The following SLC4A4 variants were observed in gnomAD, a reference collection of about 807,000 sequenced individuals.
SLC4A4 encodes solute carrier family 4 member 4, also known as electrogenic sodium bicarbonate cotransporter 1.
In SLC4A4, 27 loss-of-function variants were observed where a neutral mutation model predicts 111.5. That is an observed-to-expected ratio of 0.24 (90% CI 0.18 to 0.33). The LOEUF (loss-of-function observed/expected upper bound fraction) is 0.33, where lower values mean the gene tolerates loss of function less well. Ranked by LOEUF, SLC4A4 falls within the 10% of genes least tolerant of loss-of-function variation. SLC4A4 has a pLI of 1.00. For missense variants in SLC4A4, 909 were observed against 1,315.5 expected (o/e 0.69, Z 4.78); for synonymous variants, 443 against 463.4 (o/e 0.96, Z 0.57).
intron 7 of SLC4A4, among the ~76,000 whole-genome samples, chr4:71,428,302 A>G (rs980329938): frequency 3.3e-5 from 5 of 152,110 alleles, no homozygotes; most frequent in Admixed American, 6.6e-5. Flanking sequence ...ATTATTTTCT[A>G]ACACTATTAT....
At chr4:71,120,475 C>T (rs1207973641) in intron 2 of SLC4A4, among the ~76,000 whole-genome samples, 1 of 152,214 alleles carries the variant, frequency 6.6e-6, no homozygotes, top group African/African-American at 2.4e-5. Flanking sequence ...TCAGGGAAAT[C>T]CTGCTTCTGT....
At chr4:71,172,421 G>A (rs28409682) in intron 2 of SLC4A4, among the ~76,000 whole-genome samples, 27,611 of 151,850 alleles carry the variant, frequency 0.18, 5,653 homozygotes, top group African/African-American at 0.51. Flanking sequence ...ATGCCCAGCA[G>A]ATTTTTGTAT....
chr4:71,169,988 G>A (rs576090963), intron 2 of SLC4A4, among the ~76,000 whole-genome samples: 3 of 152,048 alleles, frequency 2.0e-5, no homozygotes, highest in Non-Finnish European at 4.4e-5. Flanking sequence ...TACCGTCACC[G>A]ATCTCCCTTT....
At chr4:71,148,246 CTCT>C (rs940340392) in intron 2 of SLC4A4, among the ~76,000 whole-genome samples, 1 of 152,126 alleles carries the variant, frequency 6.6e-6, no homozygotes, top group Non-Finnish European at 1.5e-5. Context: ...AATTGGAAAG[CTCT>C]TCTTCATATT....
intron 3 of SLC4A4, among the ~76,000 whole-genome samples, chr4:71,326,170 T>C (rs955326167): frequency 6.6e-6 from 1 of 151,928 alleles, no homozygotes; most frequent in African/African-American, 2.4e-5. Flanking sequence ...AAGCTTTGCC[T>C]GAGTTTCTAC....
intron 2 of SLC4A4, among the ~76,000 whole-genome samples, chr4:71,173,360 C>T (rs937942921): frequency 6.6e-6 from 1 of 152,082 alleles, no homozygotes; most frequent in African/African-American, 2.4e-5. Context: ...ATGTCCCCAA[C>T]AATTATCTTT....
intron 2 of SLC4A4, among the ~76,000 whole-genome samples, chr4:71,140,699 CTCT>C (rs1743971643): frequency 6.6e-6 from 1 of 152,142 alleles, no homozygotes; most frequent in African/African-American, 2.4e-5. Flanking sequence ...CTTGATTCCT[CTCT>C]TATTTCCTTC....
chr4:71,486,919 A>G (rs1405875021), intron 14 of SLC4A4, 29 bp from the exon 15 acceptor site: 2 of 1,424,276 alleles, frequency 1.4e-6, no homozygotes, highest in Non-Finnish European at 2.0e-6. Flanking sequence ...TTAGTTTTAT[A>G]GTATAAAATA....
At chr4:71,200,720 T>G (rs1746209935) in intron 1 of SLC4A4, among the ~76,000 whole-genome samples, 1 of 151,940 alleles carries the variant, frequency 6.6e-6, no homozygotes, top group Non-Finnish European at 1.5e-5. Context: ...GACGGGTTGA[T>G]GGGTGCAGCA....
intron 2 of SLC4A4, among the ~76,000 whole-genome samples, chr4:71,161,281 G>A (rs1040700051): frequency 2.0e-5 from 3 of 152,146 alleles, no homozygotes; most frequent in African/African-American, 7.2e-5. Context: ...CAGAAAAGTT[G>A]TCAGGTAGCA....
At chr4:71,471,002 A>G (rs1381620571) in intron 13 of SLC4A4, among the ~76,000 whole-genome samples, 1 of 152,044 alleles carries the variant, frequency 6.6e-6, no homozygotes, top group Non-Finnish European at 1.5e-5. Context: ...AAACACCCAG[A>G]ATAATGTTTG....
intron 2 of SLC4A4, among the ~76,000 whole-genome samples, chr4:71,241,124 A>C (rs955008891): frequency 6.6e-6 from 1 of 152,158 alleles, no homozygotes; most frequent in African/African-American, 2.4e-5. Flanking sequence ...GCCTCAAAAA[A>C]AGAAAAGAGA....
intron 16 of SLC4A4, among the ~76,000 whole-genome samples, chr4:71,504,733 A>G (rs180937958): frequency 1.3e-5 from 2 of 150,268 alleles, no homozygotes; most frequent in Admixed American, 1.3e-4. Flanking sequence ...TCCAACCTCT[A>G]TTCTAATTCA....
At chr4:71,422,807 T>C (rs1169542895) in intron 7 of SLC4A4, among the ~76,000 whole-genome samples, 1 of 152,158 alleles carries the variant, frequency 6.6e-6, no homozygotes, top group East Asian at 1.9e-4. Flanking sequence ...CTGAAAACTC[T>C]CAATAAATTA....
chr4:71,148,214 T>G (rs1292039685), intron 2 of SLC4A4, among the ~76,000 whole-genome samples: 2 of 152,176 alleles, frequency 1.3e-5, no homozygotes, highest in African/African-American at 4.8e-5. Context: ...CTGATATTTA[T>G]AATTTTAGAG....
At position 71,480,789 on chromosome 4, in the gene SLC4A4, A is replaced by G. The variant is rs549392164; in HGVS notation, c.1904-6159A>G. On this transcript the variant is annotated intron_variant, in intron 14 of 25. Coordinates refer to ENST00000264485, the MANE Select transcript of SLC4A4 (RefSeq NM_001098484.3). ...ATCAGTGCCACATAGCTGTAACCCT[A>G]AGAAGCCATGTTGAGGGCACAGGTT... Among the ~76,000 whole-genome samples the G allele has an allele frequency of 2.0e-4, 31 of 151,876 alleles. 1 individual carries two copies. Among genetic ancestry groups the G allele is most frequent in the African/African-American group, 7.2e-4 (30 of 41,508 alleles).
intron 7 of SLC4A4, among the ~76,000 whole-genome samples, chr4:71,425,973 T>G (rs1211411144): frequency 2.0e-5 from 3 of 152,064 alleles, no homozygotes; most frequent in Non-Finnish European, 4.4e-5. Flanking sequence ...CTCTATAGAA[T>G]GTCAATTATC....
Position 71,156,597 on chromosome 4 carries a change from C to T in SLC4A4, c.-2+63805C>T, listed in dbSNP as rs866201466. On this transcript the variant is annotated intron_variant, in intron 2 of 26. Transcript: ENST00000649996. ...ATGCGCGCGCGCGCGCGCACACACACACACACACACACACACATACACATT... is the reference window on the plus strand; with the variant it reads ...ATGCGCGCGCGCGCGCGCACACACATACACACACACACACACATACACATT... Among the ~76,000 whole-genome samples the T allele has an allele frequency of 3.3e-4, 50 of 150,466 alleles. 2 individuals carry two copies. In the South Asian group the frequency reaches 5.9e-3, roughly 18 times the overall value.
rs148466177 is a variant in SLC4A4 at position 71,168,114 on chromosome 4, G to A, written c.-1-68462G>A. 4.1e-3 allele frequency among the ~76,000 whole-genome samples: 621 copies of A among 150,714 alleles called. 8 individuals carry two copies. The highest frequency in any genetic ancestry group is 0.014 in the African/African-American group (582 of 40,962). On this transcript the variant is annotated intron_variant, in intron 2 of 26. Coordinates refer to the SLC4A4 transcript ENST00000649996. ...TGCAATGTGTAATAATCACACCAGG[G>A]TAAATGGGGCATCTATTACCTCAAG...
Sources: gnomAD v4.1 joint callset for allele counts (sites outside exome capture counted in the v4.1 genomes callset) on GRCh38, gnomAD v4.1.1 for gene constraint, MANE v1.5 for transcripts, NCBI Gene and HGNC (gene_info 2026-07-23, HGNC 2026-07-21) for gene names.